PIGQ: variants seen among roughly 807,000 people sequenced by gnomAD.
PIGQ encodes phosphatidylinositol glycan anchor biosynthesis class Q, also known as phosphatidylinositol N-acetylglucosaminyltransferase subunit Q.
PIGQ carries 54 observed loss-of-function variants against 60.3 expected under a neutral mutation model. The observed-to-expected ratio is 0.90, with a 90% confidence interval of 0.72 to 1.12. PIGQ has a LOEUF of 1.12. PIGQ is among the 50% of genes most tolerant of loss of function. PIGQ has a pLI of 0.00. For missense variants in PIGQ, 799 were observed against 793.5 expected, an observed-to-expected ratio of 1.01 and a Z score of -0.08; for synonymous variants, 416 against 363.7, an observed-to-expected ratio of 1.14 and a Z score of -1.64.
In PIGQ at chr16:583,525, C is replaced by T. The variant is rs1454668289; in HGVS notation, c.*490C>T. ...CCCTCAGCCGAACAGCACCCTGCAT[C>T]TGGGGGATTGAAGCAGTCGCTGACC... is the stretch of plus-strand genomic sequence containing the variant. On this transcript the variant is annotated 3_prime_UTR_variant, in exon 11 of 11. Transcript: ENST00000321878. 1 of 1,612,644 alleles carries T rather than the reference C, an allele frequency of 6.2e-7. No individual in the cohort carries two copies. Among genetic ancestry groups the T allele is most frequent in the Non-Finnish European group, 8.5e-7 (1 of 1,179,838 alleles).
chr16:571,118 CTGGTGCCCGTGTGTG>C (rs2035615145), intron 1 of PIGQ, among the ~76,000 whole-genome samples: 1 of 4,466 alleles, frequency 2.2e-4, no homozygotes, highest in Non-Finnish European at 3.8e-4. Flanking sequence ...TCTGGCTAGC[CTGGTGCCCGTGTGTG>C]TGTGTGTGTG....
In PIGQ at chr16:583,929, G is replaced by C. The variant is rs1297247567; in HGVS notation, c.*894G>C. The C allele has an allele frequency of 1.1e-5, 5 of 473,558 alleles. No homozygotes were observed. The highest frequency in any genetic ancestry group is 1.0e-4 in the Admixed American group (3 of 29,930). The allele number at this position is 473,558 out of a possible 1,614,324, so 29.3% of individuals were successfully genotyped here. On this transcript the variant is annotated 3_prime_UTR_variant, in exon 11 of 11. Transcript: ENST00000321878. ...CGGTCTGGGTGCGGGTGTTCCCTGT[G>C]AGCCCGAGTCCGCTTCAGGAGGGGA... is the stretch of plus-strand genomic sequence containing the variant.
intron 10 of PIGQ, 106 bp from the exon 11 acceptor site, chr16:582,777 C>T (rs2035833739): frequency 4.9e-6 from 6 of 1,231,994 alleles, no homozygotes; most frequent in Non-Finnish European, 2.3e-6. Context: ...AAGGGAATGT[C>T]TGAGACAGCA....
chr16:583,955 G>A lies in PIGQ; in HGVS notation c.*920G>A. 1 of 427,390 alleles carries A rather than the reference G, an allele frequency of 2.3e-6. No homozygotes were observed. The highest frequency in any genetic ancestry group is 4.9e-5 in the East Asian group (1 of 20,334). 26.5% of individuals were successfully genotyped at this position (427,390 alleles called of 1,614,324 possible). On this transcript the variant is annotated 3_prime_UTR_variant, in exon 11 of 11. Transcript: ENST00000321878. ...AGCCCGAGTCCGCTTCAGGAGGGGA[G>A]CCTGCAGGTGCCGGCTGGTGAGGGG...
At chr16:582,458 C>G (rs921532513) in intron 10 of PIGQ, 149 bp downstream of exon 10, 4 of 618,274 alleles carry the variant, frequency 6.5e-6, no homozygotes, top group Non-Finnish European at 1.1e-5. Context: ...AAGGCCCACG[C>G]GGGACCCCCT....
intron 2 of PIGQ, 119 bp downstream of exon 2, chr16:574,882 C>T: frequency 1.3e-6 from 1 of 784,806 alleles, no homozygotes; most frequent in South Asian, 1.9e-5. Context: ...GGGCCCCCTC[C>T]CACTCCTGCA....
At chr16:577,394 A>C (rs150352578) in intron 4 of PIGQ, among the ~76,000 whole-genome samples, 11 of 151,860 alleles carry the variant, frequency 7.2e-5, no homozygotes, top group African/African-American at 2.4e-4. Flanking sequence ...TGGCTAACAC[A>C]GTGAAATCCC....
At position 575,291 on chromosome 16, in the gene PIGQ, C is replaced by G. The variant is rs1231705615; in HGVS notation, c.689+528C>G. On this transcript the variant is annotated intron_variant, in intron 2 of 10. Transcript: ENST00000321878. ...GCTGCTGGCCAAGGGTCAGTTGAAG[C>G]CCAAGGGCCCTGAGGGGCACGGGGG... is the stretch of plus-strand genomic sequence containing the variant. Among the ~76,000 whole-genome samples the G allele has an allele frequency of 2.6e-5, 4 of 152,336 alleles. No homozygotes were observed. The East Asian group carries it at 7.7e-4, about 29-fold the overall frequency.
Position 580,941 on chromosome 16 carries a change from T to A in PIGQ, c.1500T>A (p.Gly500=). 6.2e-7 allele frequency: 1 copy of A among 1,610,880 alleles called. No individual in the cohort carries two copies. Among genetic ancestry groups the A allele is most frequent in the Non-Finnish European group, 8.5e-7 (1 of 1,178,688 alleles). Reference sequence around the variant, plus strand: ...ACTCCCTGCCGCTGTACTCACTGGGTCTTCGGCTCTGCCGGCCCTACAGGC... The same window carrying A: ...ACTCCCTGCCGCTGTACTCACTGGGACTTCGGCTCTGCCGGCCCTACAGGC... ...LINSLPLYSL[G]LRLCRPYRLA... Residue 500 remains glycine (G), a synonymous_variant, in exon 9 of 11, where the codon GGT becomes GGA. Coordinates refer to ENST00000321878, the MANE Select transcript of PIGQ (RefSeq NM_004204.5).
chr16:584,075 G>C lies in PIGQ; in HGVS notation c.*1040G>C, dbSNP rs552617155. 523 of 295,888 alleles carry C rather than the reference G, an allele frequency of 1.8e-3. No individual in the cohort carries two copies. The highest frequency in any genetic ancestry group is 2.6e-3 in the Non-Finnish European group (380 of 148,614). 18.3% of individuals were successfully genotyped at this position (295,888 alleles called of 1,614,324 possible). On this transcript the variant is annotated 3_prime_UTR_variant, in exon 11 of 11. Transcript: ENST00000321878. ...CAACCCAGCACCGGGGAAGCCGTCA[G>C]CTGCTGTGACAATAAAACCTGCCCC...
At chr16:580,537 G>C in intron 8 of PIGQ, 1 of 550,958 alleles carries the variant, frequency 1.8e-6, no homozygotes, top group Non-Finnish European at 3.3e-6. Flanking sequence ...GCCTCCCCTG[G>C]TGCCTGGCAC....
At chr16:580,535 T>C in intron 8 of PIGQ, 1 of 550,606 alleles carries the variant, frequency 1.8e-6, no homozygotes, top group Non-Finnish European at 3.3e-6. Context: ...AGGCCTCCCC[T>C]GGTGCCTGGC....
chr16:571,158 C>G (rs867667419), intron 1 of PIGQ, among the ~76,000 whole-genome samples: 2 of 2,458 alleles, frequency 8.1e-4, no homozygotes, highest in African/African-American at 1.9e-3. Context: ...GCTAGCCTGG[C>G]ACCCGTGGCT....
chr16:578,356 G>T (rs1464067065), intron 4 of PIGQ, 23 bp from the exon 5 acceptor site: 2 of 1,599,934 alleles, frequency 1.3e-6, no homozygotes, highest in Non-Finnish European at 1.7e-6. Flanking sequence ...CCCCGCCCCA[G>T]CGTGGCCCCT....
chr16:574,929 C>T (rs1171800468), intron 2 of PIGQ, among the ~76,000 whole-genome samples, 166 bp downstream of exon 2: 2 of 152,214 alleles, frequency 1.3e-5, no homozygotes, highest in Non-Finnish European at 2.9e-5. Flanking sequence ...TCCCAACCCT[C>T]GCCTCTCAGA....
Position 578,803 on chromosome 16 carries a change from C to A in PIGQ, c.1088C>A (p.Ser363Tyr), listed in dbSNP as rs200912387. 6.2e-7 allele frequency: 1 copy of A among 1,613,688 alleles called. No homozygotes were observed. The highest frequency in any genetic ancestry group is 1.3e-5 in the African/African-American group (1 of 75,078). Residue 363 changes from serine to tyrosine, a missense_variant, in exon 6 of 11, where the codon TCC becomes TAC. Ser to Tyr is a moderately radical substitution (Grantham distance 144, BLOSUM62 -2). Coordinates refer to ENST00000321878, the MANE Select transcript of PIGQ (RefSeq NM_004204.5). The part of the protein sequence containing the change: ...HLWISYIHLM[S>Y]PFVEHILWHV... Reference sequence around the variant, plus strand: ...CTGCCAGGCTACATCCACCTCATGTCCCCCTTCGTGGAGCACATCCTTTGG... The same window carrying A: ...CTGCCAGGCTACATCCACCTCATGTACCCCTTCGTGGAGCACATCCTTTGG...
chr16:578,167 C>G (rs1027146675), intron 4 of PIGQ: 2 of 538,946 alleles, frequency 3.7e-6, no homozygotes, highest in Admixed American at 3.3e-5. Flanking sequence ...GTCACCCAGG[C>G]CTGCAGAGAG....
In PIGQ at chr16:582,867, G is replaced by T. The variant is rs763587671; in HGVS notation, c.1594-16G>T. The stretch of plus-strand genomic sequence containing the variant: ...AGCTCAGACCACCCCACTGACCGCT[G>T]CCCTTGTCCTTCCAGATAAACCCAC... On this transcript the variant is annotated splice_polypyrimidine_tract_variant and intron_variant, in intron 10 of 10. Transcript: ENST00000321878. 1 of 1,585,668 alleles carries T rather than the reference G, an allele frequency of 6.3e-7. No homozygotes were observed. The highest frequency in any genetic ancestry group is 1.1e-5 in the South Asian group (1 of 88,168).
chr16:576,283 C>T lies in PIGQ; in HGVS notation c.942+29C>T, dbSNP rs1017940251. On this transcript the variant is annotated intron_variant, in intron 4 of 10. Transcript: ENST00000321878. ...AGTGGACTGGGGTGGAGCCCGGTGTCCCGGGTGGGCGTGGGGACCCCTCCT... is the reference window on the plus strand; with the variant it reads ...AGTGGACTGGGGTGGAGCCCGGTGTTCCGGGTGGGCGTGGGGACCCCTCCT... 58 of 1,547,258 alleles carry T rather than the reference C, an allele frequency of 3.7e-5. No homozygotes were observed. The Admixed American group carries it at 6.0e-4, about 16-fold the overall frequency.
Sources: allele counts gnomAD v4.1 joint callset (sites outside exome capture counted in the v4.1 genomes callset), GRCh38; gene constraint gnomAD v4.1.1; transcripts MANE v1.5; gene names NCBI Gene and HGNC (gene_info 2026-07-23, HGNC 2026-07-21).